The following VWF variants were observed in gnomAD, a reference collection of about 807,000 sequenced individuals.
VWF encodes Factor VIII related antigen.
VWF carries 176 observed loss-of-function variants against 308.6 expected under a neutral mutation model. The ratio of observed to expected loss-of-function variants is 0.57; its 90% CI spans 0.50 to 0.65. The LOEUF (loss-of-function observed/expected upper bound fraction) is 0.65. Among genes scored for constraint, VWF ranks in the 30% least tolerant of loss-of-function variants. The pLI, the probability that VWF is intolerant of heterozygous loss-of-function variation, is 0.00. For synonymous variants in VWF, 1,385 were observed against 1,443.4 expected, an observed-to-expected ratio of 0.96 and a Z score of 0.92; for missense variants, 3,146 against 3,648.2, an observed-to-expected ratio of 0.86 and a Z score of 3.55.
Position 6,023,700 on chromosome 12 carries a change from T to C in VWF, c.3310A>G (p.Ile1104Val). ...IGDCACFCDTIAAYAHVCAQH... is the reference protein window; with the variant it reads ...IGDCACFCDTVAAYAHVCAQH... ...GCACACACGTGGGCATAGGCAGCAA[T>C]GGTGTCGCAGAAGCAGGCGCAGTCC... Residue 1104 changes from isoleucine (I) to valine (V), a missense_variant, in exon 25 of 52, where the codon ATT becomes GTT. Transcript: ENST00000261405. The C allele has an allele frequency of 6.2e-7, 1 of 1,613,842 alleles. No homozygotes were observed. Among genetic ancestry groups the C allele is most frequent in the Middle Eastern group, 1.7e-4 (1 of 6,056 alleles).
At chr12:5,964,430 G>A (rs752300634) in intron 47 of VWF, among the ~76,000 whole-genome samples, 4 of 152,240 alleles carry the variant, frequency 2.6e-5, no homozygotes, top group Middle Eastern at 6.8e-3. Context: ...CAGAAAGAAC[G>A]TAATCACATA....
intron 6 of VWF, among the ~76,000 whole-genome samples, chr12:6,083,551 C>T (rs1944937454): frequency 1.3e-5 from 2 of 152,152 alleles, no homozygotes; most frequent in South Asian, 2.1e-4. Context: ...GGCAAGAGAG[C>T]GAGACTCCGT....
At chr12:5,981,656 A>G (rs1302920367) in intron 42 of VWF, 130 bp downstream of exon 42, 66 of 1,056,868 alleles carry the variant, frequency 6.2e-5, no homozygotes, top group Non-Finnish European at 1.9e-5. Flanking sequence ...CATGAGGAGC[A>G]CATGTTGCTT....
chr12:6,021,753 T>A, intron 27 of VWF, 147 bp downstream of exon 27: 1 of 1,032,766 alleles, frequency 9.7e-7, no homozygotes, highest in African/African-American at 1.7e-5. Flanking sequence ...CTACATTAAA[T>A]AATGAATTAA....
Position 6,029,448 on chromosome 12 carries a change from T to A in VWF, c.2861A>T (p.Glu954Val). Residue 954 changes from glutamate (E) to valine (V), a missense_variant, in exon 22 of 52, where the codon GAG (glutamate) becomes GTG (valine). Transcript: ENST00000261405. ...KRPMKDETHFEVVESGRYIIL... is the reference protein window; with the variant it reads ...KRPMKDETHFVVVESGRYIIL... The stretch of plus-strand genomic sequence containing the variant: ...GATGTACCGGCCAGACTCCACCACC[T>A]CAAAGTGAGTCTCATCCTTCATGGG... 6.2e-7 allele frequency: 1 copy of A among 1,614,056 alleles called. No homozygotes were observed. The highest frequency in any genetic ancestry group is 1.6e-4 in the Middle Eastern group (1 of 6,062).
At chr12:6,089,234 C>T (rs959101052) in intron 6 of VWF, among the ~76,000 whole-genome samples, 1 of 152,200 alleles carries the variant, frequency 6.6e-6, no homozygotes, top group African/African-American at 2.4e-5. Flanking sequence ...AGTCATTGTG[C>T]TTCCGAGCCA....
At chr12:6,006,078 T>C (rs934961831) in intron 34 of VWF, among the ~76,000 whole-genome samples, 12 of 152,252 alleles carry the variant, frequency 7.9e-5, no homozygotes, top group African/African-American at 2.6e-4. Flanking sequence ...ATACACAACA[T>C]TAAAAAATAT....
chr12:6,068,382 C>T (rs1301603372), intron 10 of VWF, among the ~76,000 whole-genome samples: 3 of 152,158 alleles, frequency 2.0e-5, no homozygotes, highest in Admixed American at 1.3e-4. Context: ...GCCCAACCCA[C>T]AGGCCTTTAG....
rs191714781 is a variant in VWF, at chr12:6,029,023, G to A, written c.2967+319C>T. On this transcript the variant is annotated intron_variant, in intron 22 of 51. Coordinates refer to ENST00000261405, the MANE Select transcript of VWF (RefSeq NM_000552.5). ...GCTGTATTCAGGAGACCCATCTCAC[G>A]TGCAGAGACATACATAGGCTCAAAA... is the stretch of plus-strand genomic sequence containing the variant. 9.9e-4 allele frequency among the ~76,000 whole-genome samples: 150 copies of A among 151,842 alleles called. 1 individual carries two copies. In the East Asian group the frequency reaches 0.023, roughly 23 times the overall value.
intron 27 of VWF, 68 bp downstream of exon 27, chr12:6,021,832 G>A: frequency 4.4e-6 from 7 of 1,606,902 alleles, no homozygotes; most frequent in Non-Finnish European, 6.0e-6. Context: ...CCAAAACCTA[G>A]TCTCTAAGCT....
At position 6,002,482 on chromosome 12, in the gene VWF, A is replaced by G. The variant is rs1943881692; in HGVS notation, c.5843-6260T>C. Among the ~76,000 whole-genome samples, 3 of 152,034 alleles carry G rather than the reference A, an allele frequency of 2.0e-5. No homozygotes were observed. The South Asian group carries it at 6.2e-4, about 31-fold the overall frequency. The stretch of plus-strand genomic sequence containing the variant: ...AGAGTATATACAAACAATAAACAAA[A>G]TTTTAGTTTAAAAAAAAGACTACTT... On this transcript the variant is annotated intron_variant, in intron 34 of 51. Coordinates refer to ENST00000261405, the MANE Select transcript of VWF (RefSeq NM_000552.5).
chr12:6,023,584 T>C, intron 25 of VWF, 47 bp downstream of exon 25: 2 of 1,611,488 alleles, frequency 1.2e-6, no homozygotes, highest in Admixed American at 1.7e-5. Flanking sequence ...CATAGACACA[T>C]GGGAAGAAGG....
At chr12:6,079,611 A>G (rs1159168474) in intron 6 of VWF, among the ~76,000 whole-genome samples, 1 of 120,608 alleles carries the variant, frequency 8.3e-6, no homozygotes, top group Admixed American at 7.6e-5. Context: ...CTCTGTCTCG[A>G]AAAAAAAAAA....
At chr12:5,949,393 T>C (rs1943152660) in intron 51 of VWF, among the ~76,000 whole-genome samples, 190 bp from the exon 52 acceptor site, 1 of 152,218 alleles carries the variant, frequency 6.6e-6, no homozygotes, top group African/African-American at 2.4e-5. Context: ...CTCTTCTCTA[T>C]GGTAATAATA....
intron 19 of VWF, among the ~76,000 whole-genome samples, chr12:6,035,695 C>T (rs1944328094): frequency 6.6e-6 from 1 of 152,230 alleles, no homozygotes; most frequent in Admixed American, 6.5e-5. Flanking sequence ...AAAGGACCCT[C>T]CAGACCCCGT....
chr12:6,103,454 A>ACG (rs1565391095), intron 5 of VWF, among the ~76,000 whole-genome samples: 1 of 94,052 alleles, frequency 1.1e-5, no homozygotes, highest in Non-Finnish European at 2.0e-5. Flanking sequence ...ATACACATAT[A>ACG]TGTGTATATA....
intron 34 of VWF, among the ~76,000 whole-genome samples, chr12:6,007,487 A>C (rs1173643584): frequency 6.6e-6 from 1 of 152,238 alleles, no homozygotes; most frequent in Non-Finnish European, 1.5e-5. Context: ...GAGTCAAAGA[A>C]GAAATCAAAA....
At chr12:5,967,186 T>C (rs939914244) in intron 47 of VWF, among the ~76,000 whole-genome samples, 5 of 152,316 alleles carry the variant, frequency 3.3e-5, no homozygotes, top group African/African-American at 1.2e-4. Flanking sequence ...GTGCTGTTTC[T>C]TAAAATACAT....
intron 47 of VWF, chr12:5,953,888 T>A (rs1305896094): frequency 2.8e-6 from 1 of 353,924 alleles, no homozygotes; most frequent in Non-Finnish European, 5.2e-6. Context: ...AATTATTCTA[T>A]TGTCATCTTG....
Sources: gnomAD v4.1 joint callset for allele counts (sites outside exome capture counted in the v4.1 genomes callset) on GRCh38, gnomAD v4.1.1 for gene constraint, MANE v1.5 for transcripts, NCBI Gene and HGNC (gene_info 2026-07-23, HGNC 2026-07-21) for gene names.